PPP2R3A: variants seen among roughly 807,000 people sequenced by gnomAD.
PPP2R3A encodes protein phosphatase 2 regulatory subunit B''alpha.
In PPP2R3A, 80 loss-of-function variants were observed where a neutral mutation model predicts 106.9. The ratio of observed to expected loss-of-function variants is 0.75; its 90% CI spans 0.62 to 0.90. PPP2R3A has a LOEUF of 0.90. PPP2R3A is among the 40% of genes least tolerant of loss of function. The probability of loss-of-function intolerance (pLI) is 0.00; values close to 1 mark genes in which losing one functional copy is unlikely to be tolerated. For synonymous variants in PPP2R3A, 483 were observed against 468.3 expected (o/e 1.03, Z -0.41); for missense variants, 1,386 against 1,350.4 (o/e 1.03, Z -0.41).
Position 136,145,724 on chromosome 3 carries a change from C to G in PPP2R3A, c.*558C>G, listed in dbSNP as rs571789786. ...ACTTACCTGGCTTAATGTAATTTCA[C>G]AGTTACCTGCCAAACTACTAGTCAC... On this transcript the variant is annotated 3_prime_UTR_variant, in exon 14 of 14. Coordinates refer to ENST00000264977, the MANE Select transcript of PPP2R3A (RefSeq NM_002718.5). 6.6e-5 allele frequency: 10 copies of G among 152,580 alleles called. No individual in the cohort carries two copies. Among genetic ancestry groups the G allele is most frequent in the African/African-American group, 2.4e-4 (10 of 41,420 alleles). The allele number at this position is 152,580 out of a possible 1,614,324, so 9.5% of individuals were successfully genotyped here.
chr3:136,128,549 G>C (rs888342801), intron 13 of PPP2R3A, among the ~76,000 whole-genome samples: 2 of 152,136 alleles, frequency 1.3e-5, no homozygotes, highest in Non-Finnish European at 2.9e-5. Flanking sequence ...AAGAGACTTA[G>C]ACTCCCACAC....
intron 2 of PPP2R3A, among the ~76,000 whole-genome samples, chr3:136,009,807 C>T (rs1375685317): frequency 6.6e-6 from 1 of 152,084 alleles, no homozygotes; most frequent in Non-Finnish European, 1.5e-5. Flanking sequence ...CTCTGAGGTT[C>T]CTTGTCATCC....
chr3:136,042,687 A>G (rs1175066978), intron 4 of PPP2R3A, among the ~76,000 whole-genome samples: 2 of 152,258 alleles, frequency 1.3e-5, no homozygotes, highest in Non-Finnish European at 1.5e-5. Flanking sequence ...AAAATTGCTT[A>G]TGAAGTTATA....
chr3:135,975,710 G>A (rs1383872510), intron 1 of PPP2R3A, among the ~76,000 whole-genome samples: 1 of 152,134 alleles, frequency 6.6e-6, no homozygotes, highest in African/African-American at 2.4e-5. Flanking sequence ...GGGCAAATGT[G>A]TGAATGTTTA....
intron 1 of PPP2R3A, among the ~76,000 whole-genome samples, chr3:135,984,428 A>G (rs1307227305): frequency 6.6e-6 from 1 of 152,182 alleles, no homozygotes; most frequent in Non-Finnish European, 1.5e-5. Context: ...TAGATGATGC[A>G]TTTAAATACT....
At chr3:135,969,113 A>G (rs1937169971) in intron 1 of PPP2R3A, among the ~76,000 whole-genome samples, 2 of 152,210 alleles carry the variant, frequency 1.3e-5, no homozygotes, top group South Asian at 2.1e-4. Context: ...ATAAGTATAT[A>G]TTTATGTAAT....
chr3:136,003,864 C>T (rs1933748360), intron 2 of PPP2R3A, among the ~76,000 whole-genome samples: 1 of 152,158 alleles, frequency 6.6e-6, no homozygotes, highest in South Asian at 2.1e-4. Flanking sequence ...ACAAAGTAGG[C>T]ATTTAATATT....
At chr3:136,122,527 A>C (rs922286933) in intron 13 of PPP2R3A, among the ~76,000 whole-genome samples, 5 of 152,190 alleles carry the variant, frequency 3.3e-5, no homozygotes, top group African/African-American at 1.2e-4. Context: ...TTTTACCTGC[A>C]TTTTGTTGGA....
chr3:136,040,653 T>C (rs1935232802), intron 3 of PPP2R3A, among the ~76,000 whole-genome samples: 1 of 152,098 alleles, frequency 6.6e-6, no homozygotes, highest in South Asian at 2.1e-4. Context: ...GTTTTCTTCA[T>C]TGAACATGTT....
chr3:136,006,780 T>C (rs1004534667), intron 2 of PPP2R3A, among the ~76,000 whole-genome samples: 9 of 152,230 alleles, frequency 5.9e-5, no homozygotes, highest in Non-Finnish European at 2.9e-5. Flanking sequence ...AGAGACTATA[T>C]AGATATATAT....
intron 13 of PPP2R3A, among the ~76,000 whole-genome samples, chr3:136,120,246 C>T (rs1459022909): frequency 6.6e-6 from 1 of 152,034 alleles, no homozygotes; most frequent in African/African-American, 2.4e-5. Context: ...TGTAGCAAAA[C>T]TGCACATTCT....
In PPP2R3A at chr3:136,066,964, C is replaced by T. The variant is rs114491366; in HGVS notation, c.2470-3514C>T. Among the ~76,000 whole-genome samples the T allele has an allele frequency of 5.6e-3, 853 of 152,228 alleles. 8 individuals are homozygous for T. Among genetic ancestry groups the T allele is most frequent in the Non-Finnish European group, 8.4e-3 (569 of 68,028 alleles). Reference sequence around the variant, plus strand: ...TTCTTAACATGATGAAATACATATACCTTAGTGTTAAAGCCAATATCTTAT... The same window carrying T: ...TTCTTAACATGATGAAATACATATATCTTAGTGTTAAAGCCAATATCTTAT... On this transcript the variant is annotated intron_variant, in intron 5 of 13. Coordinates refer to ENST00000264977, the MANE Select transcript of PPP2R3A (RefSeq NM_002718.5).
chr3:135,979,058 C>A (rs1937498968), intron 1 of PPP2R3A, among the ~76,000 whole-genome samples: 1 of 151,672 alleles, frequency 6.6e-6, no homozygotes, highest in African/African-American at 2.4e-5. Flanking sequence ...TTAAAAATTT[C>A]TAAGGAAGTT....
intron 1 of PPP2R3A, among the ~76,000 whole-genome samples, chr3:135,966,860 T>C (rs888230510): frequency 6.6e-6 from 1 of 152,180 alleles, no homozygotes; most frequent in Non-Finnish European, 1.5e-5. Context: ...CCAGGCATTT[T>C]TCTTTGTTCT....
Position 136,105,005 on chromosome 3 carries a change from A to C in PPP2R3A, c.3223-1211A>C, listed in dbSNP as rs548079791. 1.1e-4 allele frequency among the ~76,000 whole-genome samples: 16 copies of C among 152,356 alleles called. No homozygotes were observed. The East Asian group carries it at 3.1e-3, about 29-fold the overall frequency. On this transcript the variant is annotated intron_variant, in intron 12 of 13. Coordinates refer to ENST00000264977, the MANE Select transcript of PPP2R3A (RefSeq NM_002718.5). ...GTTCTGATCTACAAAGAACATTATT[A>C]GTCAGTGCTTAATAAATTCTGGGCA...
rs539691818 is a variant in PPP2R3A at position 136,128,875 on chromosome 3, C to T, written c.3330-16168C>T. Reference sequence around the variant, plus strand: ...CAGGATTAAGAAACTCACTCAAAACCGCTCAACTACATGGAAACTAAACAA... The same window carrying T: ...CAGGATTAAGAAACTCACTCAAAACTGCTCAACTACATGGAAACTAAACAA... On this transcript the variant is annotated intron_variant, in intron 13 of 13. Coordinates refer to ENST00000264977, the MANE Select transcript of PPP2R3A (RefSeq NM_002718.5). 1.4e-4 allele frequency among the ~76,000 whole-genome samples: 21 copies of T among 152,194 alleles called. No individual in the cohort carries two copies. In the East Asian group the frequency reaches 2.1e-3, roughly 15 times the overall value.
At chr3:136,139,705 AAAAAG>A (rs1286306003) in intron 13 of PPP2R3A, among the ~76,000 whole-genome samples, 3 of 150,878 alleles carry the variant, frequency 2.0e-5, no homozygotes, top group South Asian at 2.1e-4. Context: ...AAAAAAAAAA[AAAAAG>A]AGTTTGTTCT....
chr3:135,967,823 C>T lies in PPP2R3A; in HGVS notation c.-441+1974C>T, dbSNP rs140750237. On this transcript the variant is annotated intron_variant, in intron 1 of 13. Coordinates refer to ENST00000264977, the MANE Select transcript of PPP2R3A (RefSeq NM_002718.5). ...TATCGTCCTCTGAGTCAGAGTTTCT[C>T]ATTTGTAGTTCTGTTGACATTTTAG... Among the ~76,000 whole-genome samples, 24 of 152,314 alleles carry T rather than the reference C, an allele frequency of 1.6e-4. No homozygotes were observed. The East Asian group carries it at 4.4e-3, about 28-fold the overall frequency.
chr3:136,102,161 C>G lies in PPP2R3A; in HGVS notation c.3082C>G (p.Leu1028Val). Reference sequence around the variant, plus strand: ...TGATTTACTGTGCCAGATGCTTGACCTAGTGAAGCCAGCTGTTGATGGTGA... The same window carrying G: ...TGATTTACTGTGCCAGATGCTTGACGTAGTGAAGCCAGCTGTTGATGGTGA... ...FHDLLCQMLD[L>V]VKPAVDGKIT... Residue 1028 changes from leucine (L) to valine (V), a missense_variant, in exon 11 of 14, where the codon CTA becomes GTA. Leu to Val is a conservative substitution (Grantham distance 32). Coordinates refer to ENST00000264977, the MANE Select transcript of PPP2R3A (RefSeq NM_002718.5). 1 of 1,613,184 alleles carries G rather than the reference C, an allele frequency of 6.2e-7. No homozygotes were observed. Among genetic ancestry groups the G allele is most frequent in the Non-Finnish European group, 8.5e-7 (1 of 1,179,960 alleles).
Sources: allele counts gnomAD v4.1 joint callset (sites outside exome capture counted in the v4.1 genomes callset), GRCh38; gene constraint gnomAD v4.1.1; transcripts MANE v1.5; gene names NCBI Gene and HGNC (gene_info 2026-07-23, HGNC 2026-07-21).